The following GRM8 variants were observed in gnomAD, a reference collection of about 807,000 sequenced individuals.
GRM8 encodes metabotropic glutamate receptor 8.
A neutral mutation model predicts 87.2 loss-of-function variants in GRM8; 47 were observed. That is an observed-to-expected ratio of 0.54 (90% confidence interval 0.43 to 0.69). The LOEUF (loss-of-function observed/expected upper bound fraction) is 0.69. Ranked by LOEUF, GRM8 falls within the 30% of genes least tolerant of loss-of-function variation. The pLI is 0.00. For synonymous variants in GRM8, 396 were observed against 404.5 expected, an observed-to-expected ratio of 0.98 and a Z score of 0.25; for missense variants, 1,019 against 1,139.2, an observed-to-expected ratio of 0.89 and a Z score of 1.52.
At chr7:126,608,251 G>C (rs563819022) in intron 8 of GRM8, among the ~76,000 whole-genome samples, 9 of 152,030 alleles carry the variant, frequency 5.9e-5, no homozygotes, top group African/African-American at 1.7e-4. Flanking sequence ...ATGGTACCTA[G>C]CAGCTCTCCC....
chr7:126,570,863 C>T (rs1049280254), intron 8 of GRM8, among the ~76,000 whole-genome samples: 7 of 152,176 alleles, frequency 4.6e-5, no homozygotes, highest in African/African-American at 1.4e-4. Context: ...AAGTTGAGAT[C>T]CCCAAACCTT....
At chr7:126,797,637 C>T (rs1822112415) in intron 6 of GRM8, among the ~76,000 whole-genome samples, 1 of 151,996 alleles carries the variant, frequency 6.6e-6, no homozygotes, top group Admixed American at 6.6e-5. Flanking sequence ...AAGCCAAAAC[C>T]TTTTAGTCTA....
chr7:126,550,557 A>C (rs1792482677), intron 8 of GRM8, among the ~76,000 whole-genome samples: 1 of 152,208 alleles, frequency 6.6e-6, no homozygotes, highest in Admixed American at 6.5e-5. Flanking sequence ...GCAACCACTT[A>C]GAAATTAAAC....
At chr7:126,624,759 T>A (rs1800508752) in intron 7 of GRM8, among the ~76,000 whole-genome samples, 1 of 152,206 alleles carries the variant, frequency 6.6e-6, no homozygotes, top group South Asian at 2.1e-4. Flanking sequence ...GCACACGTGA[T>A]ATGCACTACA....
intron 8 of GRM8, among the ~76,000 whole-genome samples, chr7:126,565,393 G>A (rs1262162012): frequency 6.6e-6 from 1 of 152,012 alleles, no homozygotes; most frequent in Non-Finnish European, 1.5e-5. Flanking sequence ...CAATTGTATT[G>A]CTATGTATTA....
chr7:126,835,086 TA>T lies in GRM8; in HGVS notation c.1157-65022del, dbSNP rs11387803. Among the ~76,000 whole-genome samples, 157 of 137,382 alleles carry T rather than the reference TA, an allele frequency of 1.1e-3. 3 individuals are homozygous for T. In the East Asian group the frequency reaches 0.023, roughly 20 times the overall value. The allele number at this position is 137,382 out of a possible 152,430, so 90.1% of individuals were successfully genotyped here. On this transcript the variant is annotated intron_variant, in intron 6 of 10. Coordinates refer to ENST00000339582, the MANE Select transcript of GRM8 (RefSeq NM_000845.3). ...GTAAAACTCTATCTCAAAAAAAAAA[TA>T]AAAAAAAAAAGAAAAGAAAAGAAAA...
chr7:126,801,557 TG>T (rs1169618258), intron 6 of GRM8, among the ~76,000 whole-genome samples: 15 of 68,324 alleles, frequency 2.2e-4, no homozygotes, highest in African/African-American at 4.7e-4. Context: ...ACTATGTGGC[TG>T]GTATTTAATA....
intron 7 of GRM8, among the ~76,000 whole-genome samples, chr7:126,654,404 C>A (rs1011504896): frequency 2.6e-5 from 4 of 152,136 alleles, no homozygotes; most frequent in Non-Finnish European, 4.4e-5. Context: ...ACCTCTAGTT[C>A]CAAATTCTTA....
At chr7:127,129,278 T>G (rs1412352793) in intron 2 of GRM8, among the ~76,000 whole-genome samples, 1 of 152,160 alleles carries the variant, frequency 6.6e-6, no homozygotes, top group Non-Finnish European at 1.5e-5. Flanking sequence ...TATTTACCAT[T>G]CCTTGCTGAA....
chr7:126,705,748 T>G (rs1031864400), intron 7 of GRM8, among the ~76,000 whole-genome samples: 1 of 152,184 alleles, frequency 6.6e-6, no homozygotes, highest in East Asian at 1.9e-4. Context: ...TTGGAAAACA[T>G]TGGAGAGCCT....
intron 9 of GRM8, among the ~76,000 whole-genome samples, chr7:126,450,973 C>G (rs1397847613): frequency 1.3e-5 from 2 of 151,818 alleles, no homozygotes; most frequent in Non-Finnish European, 1.5e-5. Context: ...GTACACAAGA[C>G]CCTGTAATAG....
intron 2 of GRM8, among the ~76,000 whole-genome samples, chr7:127,209,694 C>T (rs973722889): frequency 2.0e-5 from 3 of 152,160 alleles, no homozygotes; most frequent in African/African-American, 7.2e-5. Flanking sequence ...CTCTGGCCCT[C>T]CCCAGCTAGC....
intron 3 of GRM8, among the ~76,000 whole-genome samples, chr7:127,062,642 C>T (rs2132602462): frequency 6.6e-6 from 1 of 152,224 alleles, no homozygotes; most frequent in South Asian, 2.1e-4. Context: ...CCATCAGGTC[C>T]TGGGCTTTTT....
At chr7:126,908,830 T>C (rs1802975221) in intron 3 of GRM8, among the ~76,000 whole-genome samples, 1 of 152,208 alleles carries the variant, frequency 6.6e-6, no homozygotes, top group Non-Finnish European at 1.5e-5. Flanking sequence ...TATTAATCTA[T>C]TTAAGCTGAA....
chr7:126,858,125 C>T (rs1250789627), intron 6 of GRM8, among the ~76,000 whole-genome samples: 1 of 152,120 alleles, frequency 6.6e-6, no homozygotes, highest in East Asian at 1.9e-4. Flanking sequence ...TTAACCACTT[C>T]CCTTCAACCC....
intron 7 of GRM8, among the ~76,000 whole-genome samples, chr7:126,763,841 G>A (rs1483304153): frequency 4.0e-5 from 6 of 151,852 alleles, no homozygotes; most frequent in African/African-American, 1.4e-4. Flanking sequence ...GATTTATTCA[G>A]AAAGAATTAA....
At chr7:126,640,020 T>C (rs73720722) in intron 7 of GRM8, among the ~76,000 whole-genome samples, 69 of 152,292 alleles carry the variant, frequency 4.5e-4, no homozygotes, top group African/African-American at 1.5e-3. Flanking sequence ...TGATTTCAAA[T>C]GTCAGAAAAC....
chr7:126,951,496 C>G (rs566353042), intron 3 of GRM8, among the ~76,000 whole-genome samples: 3 of 151,918 alleles, frequency 2.0e-5, no homozygotes, highest in East Asian at 3.9e-4. Flanking sequence ...AACAAATAAG[C>G]CTGTTACAAA....
At chr7:126,717,402 G>GGACAC (rs1377539834) in intron 7 of GRM8, among the ~76,000 whole-genome samples, 2 of 152,090 alleles carry the variant, frequency 1.3e-5, no homozygotes, top group Non-Finnish European at 2.9e-5. Context: ...ACGAGTGCTG[G>GGACAC]GAGTAAGCGG....
Sources: allele counts gnomAD v4.1 joint callset (sites outside exome capture counted in the v4.1 genomes callset), GRCh38; gene constraint gnomAD v4.1.1; transcripts MANE v1.5; gene names NCBI Gene and HGNC (gene_info 2026-07-23, HGNC 2026-07-21).